ANGEL2: variants seen among roughly 807,000 people sequenced by gnomAD.
ANGEL2 encodes the protein RNA 2',3'-cyclic phosphatase ANGEL2.
ANGEL2 carries 41 observed loss-of-function variants against 66.0 expected under a neutral mutation model. That is an observed-to-expected ratio of 0.62 (90% CI 0.48 to 0.81). The LOEUF is 0.81. Ranked by LOEUF, ANGEL2 falls within the 30% of genes least tolerant of loss-of-function variation. The probability of loss-of-function intolerance (pLI) is 0.00; values close to 1 mark genes in which losing one functional copy is unlikely to be tolerated. For synonymous variants in ANGEL2, 208 were observed against 226.5 expected (o/e 0.92, Z 0.73); for missense variants, 561 against 641.6 (o/e 0.87, Z 1.36).
intron 2 of ANGEL2, among the ~76,000 whole-genome samples, chr1:213,010,387 C>A (rs903974331): frequency 5.3e-5 from 8 of 151,474 alleles, no homozygotes; most frequent in Admixed American, 4.6e-4. Flanking sequence ...CTGGCTAACA[C>A]CGTGAAACCC....
chr1:213,000,472 A>C (rs1298549001), intron 6 of ANGEL2, 89 bp from the exon 7 acceptor site: 6 of 1,189,370 alleles, frequency 5.0e-6, no homozygotes, highest in Non-Finnish European at 6.1e-6. Flanking sequence ...TTTAAGACTT[A>C]TCTAGGTTAG....
chr1:212,994,096 A>G lies in ANGEL2; in HGVS notation c.*945T>C, dbSNP rs1371219902. 1.3e-5 allele frequency: 2 copies of G among 152,192 alleles called. No individual in the cohort carries two copies. Among genetic ancestry groups the G allele is most frequent in the Non-Finnish European group, 2.9e-5 (2 of 68,052 alleles). The allele number at this position is 152,192 out of a possible 1,614,324, so 9.4% of individuals were successfully genotyped here. A position where few individuals can be genotyped will look rare whatever the true frequency, so the allele number is the denominator to read the frequency against. Reference sequence around the variant, plus strand: ...TGGGAGTTCGAGACCAGCCTAACCAACATGGGGAAACCCTGTCTCTACTGA... The same window carrying G: ...TGGGAGTTCGAGACCAGCCTAACCAGCATGGGGAAACCCTGTCTCTACTGA... On this transcript the variant is annotated 3_prime_UTR_variant, in exon 9 of 9. Coordinates refer to ENST00000366962, the MANE Select transcript of ANGEL2 (RefSeq NM_144567.5).
chr1:213,015,596 T>A lies in ANGEL2; in HGVS notation c.59+17A>T, dbSNP rs757634169. 6.4e-7 allele frequency: 1 copy of A among 1,561,488 alleles called. No individual in the cohort carries two copies. Among genetic ancestry groups the A allele is most frequent in the South Asian group, 1.1e-5 (1 of 88,654 alleles). The stretch of plus-strand genomic sequence containing the variant: ...CCCGCCCCTCTCTCCTCCCTCCGAG[T>A]ACCCAGCCCTACTGACCGGCCTCTT... On this transcript the variant is annotated intron_variant, in intron 1 of 8. Coordinates refer to ENST00000366962, the MANE Select transcript of ANGEL2 (RefSeq NM_144567.5).
intron 8 of ANGEL2, among the ~76,000 whole-genome samples, chr1:212,996,176 G>C (rs188672480): frequency 1.3e-5 from 2 of 151,862 alleles, no homozygotes; most frequent in Non-Finnish European, 2.9e-5. Context: ...GCATGGTGGC[G>C]GGCGCCTGTA....
intron 7 of ANGEL2, 68 bp from the exon 8 acceptor site, chr1:212,997,386 T>C (rs1441465681): frequency 1.4e-6 from 2 of 1,406,056 alleles, no homozygotes; most frequent in African/African-American, 2.9e-5. Context: ...CCTATCTGAA[T>C]TTCTTTTTCA....
At position 213,007,204 on chromosome 1, in the gene ANGEL2, A is replaced by G. The variant is rs2076358824; in HGVS notation, c.643-6T>C. On this transcript the variant is annotated splice_region_variant and splice_polypyrimidine_tract_variant and intron_variant, in intron 3 of 8. Coordinates refer to ENST00000366962, the MANE Select transcript of ANGEL2 (RefSeq NM_144567.5). ...ACTTCTTGCAAACAAAGTACCTTGG[A>G]AGAAAAAAATAGCTTGAATTAGAAC... 1.3e-6 allele frequency: 2 copies of G among 1,557,914 alleles called. No individual in the cohort carries two copies. The highest frequency in any genetic ancestry group is 2.8e-5 in the African/African-American group (2 of 71,332).
intron 6 of ANGEL2, 164 bp downstream of exon 6, chr1:213,000,622 T>A: frequency 1.2e-6 from 1 of 826,562 alleles, no homozygotes; most frequent in Non-Finnish European, 1.8e-6. Flanking sequence ...AGTTCAACTT[T>A]AAAAAGGTAA....
intron 5 of ANGEL2, among the ~76,000 whole-genome samples, chr1:213,002,918 A>C (rs1304471802): frequency 1.5e-5 from 1 of 66,374 alleles, no homozygotes; most frequent in African/African-American, 5.2e-5. Context: ...ATCCTGTCTC[A>C]AAAAAAAAAA....
intron 2 of ANGEL2, among the ~76,000 whole-genome samples, chr1:213,008,809 G>A (rs79198667): frequency 0.043 from 6,622 of 152,268 alleles, 232 homozygotes; most frequent in African/African-American, 0.098. Flanking sequence ...AGATGTGATT[G>A]GCAGTTTTAT....
At chr1:212,999,585 C>T (rs912587321) in intron 7 of ANGEL2, among the ~76,000 whole-genome samples, 1 of 152,020 alleles carries the variant, frequency 6.6e-6, no homozygotes, top group Non-Finnish European at 1.5e-5. Context: ...GAATTGGTCC[C>T]TAAATTTAAA....
At position 212,992,906 on chromosome 1, in the gene ANGEL2, T is replaced by C. The variant is rs2075892368; in HGVS notation, c.*2135A>G. The C allele has an allele frequency of 1.3e-5, 2 of 152,228 alleles. No individual in the cohort carries two copies. Among genetic ancestry groups the C allele is most frequent in the South Asian group, 2.1e-4 (1 of 4,836 alleles). 9.4% of individuals were successfully genotyped at this position (152,228 alleles called of 1,614,324 possible). The stretch of plus-strand genomic sequence containing the variant: ...TTAAAAAGGGATAATTATACTATCA[T>C]TATAATTTGATAATGTCTATATCTG... On this transcript the variant is annotated 3_prime_UTR_variant, in exon 9 of 9. Transcript: ENST00000366962.
chr1:212,996,029 C>T (rs573716676), intron 8 of ANGEL2, among the ~76,000 whole-genome samples: 5 of 152,284 alleles, frequency 3.3e-5, no homozygotes, highest in South Asian at 2.1e-4. Context: ...GATTTTCGGC[C>T]GGGCACAGTG....
Position 213,000,342 on chromosome 1 carries a change from G to A in ANGEL2, c.1303C>T (p.Leu435=). 6.2e-7 allele frequency: 1 copy of A among 1,613,770 alleles called. No individual in the cohort carries two copies. Among genetic ancestry groups the A allele is most frequent in the African/African-American group, 1.3e-5 (1 of 75,038 alleles). Residue 435 remains leucine, a synonymous_variant, in exon 7 of 9, where the codon CTA becomes TTA. Transcript: ENST00000366962. ...TQTQLKQTEV[L]VTAEKLSSNL... Reference sequence around the variant, plus strand: ...AGAACTCACTTTTCAGCTGTCACTAGGACCTCTGTTTGCTTCAGCTGTGTT... The same window carrying A: ...AGAACTCACTTTTCAGCTGTCACTAAGACCTCTGTTTGCTTCAGCTGTGTT...
intron 2 of ANGEL2, 59 bp from the exon 3 acceptor site, chr1:213,008,525 C>T (rs2076409358): frequency 1.3e-6 from 2 of 1,544,254 alleles, no homozygotes; most frequent in Middle Eastern, 1.9e-4. Context: ...ATACAGTTTC[C>T]CACATATATG....
chr1:212,995,262 CT>C (rs1250543204), intron 8 of ANGEL2, 70 bp from the exon 9 acceptor site: 2 of 1,405,784 alleles, frequency 1.4e-6, no homozygotes, highest in African/African-American at 2.9e-5. Flanking sequence ...TCATACAAGT[CT>C]TTTCTCCAAA....
At chr1:212,996,455 C>G (rs1046782062) in intron 8 of ANGEL2, among the ~76,000 whole-genome samples, 1 of 150,874 alleles carries the variant, frequency 6.6e-6, no homozygotes, top group Non-Finnish European at 1.5e-5. Flanking sequence ...AACCCTGTCT[C>G]TACAAAAAAT....
Position 213,015,793 on chromosome 1 carries a change from G to C in ANGEL2, c.-122C>G. On this transcript the variant is annotated 5_prime_UTR_variant, in exon 1 of 9. Coordinates refer to ENST00000366962, the MANE Select transcript of ANGEL2 (RefSeq NM_144567.5). ...CTCTTAAGTACCGACTCCAGTCCTG[G>C]CTGCAAGGCATGCTGGGAGGTGCAG... 7.4e-7 allele frequency: 1 copy of C among 1,343,756 alleles called. No individual in the cohort carries two copies. Among genetic ancestry groups the C allele is most frequent in the South Asian group, 1.3e-5 (1 of 79,108 alleles). 83.2% of individuals were successfully genotyped at this position (1,343,756 alleles called of 1,614,324 possible). A position where few individuals can be genotyped will look rare whatever the true frequency, so the allele number is the denominator to read the frequency against.
In ANGEL2 at chr1:213,015,606, T is replaced by G. The variant is rs769975670; in HGVS notation, c.59+7A>C. The G allele has an allele frequency of 2.2e-6, 3 of 1,374,984 alleles. No individual in the cohort carries two copies. Among genetic ancestry groups the G allele is most frequent in the Non-Finnish European group, 2.9e-6 (3 of 1,038,132 alleles). The allele number at this position is 1,374,984 out of a possible 1,614,324, so 85.2% of individuals were successfully genotyped here. A position where few individuals can be genotyped will look rare whatever the true frequency, so the allele number is the denominator to read the frequency against. On this transcript the variant is annotated splice_region_variant and intron_variant, in intron 1 of 8. Coordinates refer to ENST00000366962, the MANE Select transcript of ANGEL2 (RefSeq NM_144567.5). Reference sequence around the variant, plus strand: ...TCTCCTCCCTCCGAGTACCCAGCCCTACTGACCGGCCTCTTCCCACCACAC... The same window carrying G: ...TCTCCTCCCTCCGAGTACCCAGCCCGACTGACCGGCCTCTTCCCACCACAC...
intron 8 of ANGEL2, 138 bp downstream of exon 8, chr1:212,997,017 A>T (rs1413332898): frequency 1.3e-6 from 1 of 753,734 alleles, no homozygotes; most frequent in African/African-American, 1.7e-5. Context: ...ATATATTACC[A>T]ATCTGTCTAT....
Sources: gnomAD v4.1 joint callset for allele counts (sites outside exome capture counted in the v4.1 genomes callset) on GRCh38, gnomAD v4.1.1 for gene constraint, MANE v1.5 for transcripts, NCBI Gene and HGNC (gene_info 2026-07-23, HGNC 2026-07-21) for gene names.